The following ATP10B variants were observed in gnomAD, a reference collection of about 807,000 sequenced individuals.
ATP10B encodes the protein phospholipid-transporting ATPase VB.
ATP10B carries 122 observed loss-of-function variants against 141.2 expected under a neutral mutation model. The observed-to-expected ratio is 0.86, with a 90% CI of 0.75 to 1.00. The LOEUF is 1.00. Among genes scored for constraint, ATP10B ranks in the 50% least tolerant of loss-of-function variants. ATP10B has a pLI of 0.00. For missense variants in ATP10B, 1,876 were observed against 1,825.3 expected (o/e 1.03, Z -0.51); for synonymous variants, 685 against 692.0 (o/e 0.99, Z 0.16).
chr5:160,831,827 G>A (rs1205384049), intron 1 of ATP10B, among the ~76,000 whole-genome samples: 1 of 152,100 alleles, frequency 6.6e-6, no homozygotes, highest in Non-Finnish European at 1.5e-5. Flanking sequence ...AGGCAATAAA[G>A]AGTTCCTTGA....
At chr5:160,844,269 T>C (rs1311195761) in intron 1 of ATP10B, among the ~76,000 whole-genome samples, 2 of 152,162 alleles carry the variant, frequency 1.3e-5, no homozygotes, top group East Asian at 3.8e-4. Flanking sequence ...GGAACATTCT[T>C]CATAATTGCC....
chr5:160,716,190 TA>T (rs1313879663), intron 3 of ATP10B, among the ~76,000 whole-genome samples: 1 of 152,080 alleles, frequency 6.6e-6, no homozygotes, highest in Non-Finnish European at 1.5e-5. Context: ...AAGAGTAGAA[TA>T]AAAAAATTGT....
At chr5:160,916,863 TC>T in the ATP10B span, among the ~76,000 whole-genome samples, 1 of 152,184 alleles carries the variant, frequency 6.6e-6, no homozygotes, top group African/African-American at 2.4e-5. Context: ...CTTATCACAT[TC>T]CTTTGGACTC....
At chr5:160,729,558 A>G (rs1188962061) in intron 2 of ATP10B, among the ~76,000 whole-genome samples, 1 of 152,180 alleles carries the variant, frequency 6.6e-6, no homozygotes, top group Non-Finnish European at 1.5e-5. Flanking sequence ...AAATCAGAGT[A>G]GCGGTACAAG....
chr5:160,589,462 A>G lies in ATP10B; in HGVS notation c.3750+130T>C, dbSNP rs1581160896. On this transcript the variant is annotated intron_variant, in intron 24 of 25. Transcript: ENST00000327245. ...CCCCTTTCATCCCTGTACAGGTAGG[A>G]CATAGGGTAGGAGCTTAGTATGTAT... 2.5e-5 allele frequency: 18 copies of G among 721,238 alleles called. No homozygotes were observed. The East Asian group carries it at 4.7e-4, about 19-fold the overall frequency. The allele number at this position is 721,238 out of a possible 1,614,324, so 44.7% of individuals were successfully genotyped here. A position where few individuals can be genotyped will look rare whatever the true frequency, so the allele number is the denominator to read the frequency against.
intron 2 of ATP10B, among the ~76,000 whole-genome samples, chr5:160,725,511 T>C (rs1766279136): frequency 6.6e-6 from 1 of 152,120 alleles, no homozygotes; most frequent in Non-Finnish European, 1.5e-5. Context: ...AGTGGTGCGA[T>C]CTCGGCTCAC....
chr5:160,808,036 T>G (rs1323641353), intron 1 of ATP10B, among the ~76,000 whole-genome samples: 1 of 152,086 alleles, frequency 6.6e-6, no homozygotes, highest in Non-Finnish European at 1.5e-5. Flanking sequence ...ATAATCTCCA[T>G]TGTCAAAAAA....
chr5:160,731,094 G>A (rs1233033157), intron 2 of ATP10B, among the ~76,000 whole-genome samples: 1 of 152,132 alleles, frequency 6.6e-6, no homozygotes, highest in African/African-American at 2.4e-5. Flanking sequence ...CAGAATCTAT[G>A]GGGAAGATGT....
At chr5:160,645,578 G>C (rs1302067279) in intron 8 of ATP10B, among the ~76,000 whole-genome samples, 1 of 152,190 alleles carries the variant, frequency 6.6e-6, no homozygotes. Flanking sequence ...CTAGTCCAGG[G>C]AGCATTGCAG....
At chr5:160,809,590 ATTG>A (rs1274538456) in intron 1 of ATP10B, among the ~76,000 whole-genome samples, 2 of 152,168 alleles carry the variant, frequency 1.3e-5, no homozygotes, top group Non-Finnish European at 2.9e-5. Flanking sequence ...ATAATATATT[ATTG>A]TTAACAATAG....
At chr5:160,662,278 A>T (rs1313288903) in intron 7 of ATP10B, among the ~76,000 whole-genome samples, 1 of 152,244 alleles carries the variant, frequency 6.6e-6, no homozygotes, top group Middle Eastern at 3.2e-3. Context: ...CTTTCTTCAC[A>T]GAATTGGAAA....
chr5:160,789,468 T>C (rs990211837), intron 1 of ATP10B, among the ~76,000 whole-genome samples: 1 of 152,112 alleles, frequency 6.6e-6, no homozygotes, highest in Non-Finnish European at 1.5e-5. Flanking sequence ...TGTAACAAAA[T>C]AGTAAGTAGT....
chr5:160,617,019 A>G (rs990080097), intron 16 of ATP10B, among the ~76,000 whole-genome samples: 2 of 152,198 alleles, frequency 1.3e-5, no homozygotes, highest in African/African-American at 4.8e-5. Context: ...ATCTAAAAGT[A>G]GTGAGATTGG....
chr5:160,660,591 C>T (rs367937739), intron 7 of ATP10B, among the ~76,000 whole-genome samples: 2 of 152,172 alleles, frequency 1.3e-5, no homozygotes, highest in East Asian at 1.9e-4. Flanking sequence ...CAATACTTCA[C>T]GAAGGGAAAT....
At chr5:160,615,757 G>A in intron 17 of ATP10B, 81 bp downstream of exon 17, 1 of 1,542,066 alleles carries the variant, frequency 6.5e-7, no homozygotes, top group Non-Finnish European at 8.9e-7. Flanking sequence ...CATATTAGTA[G>A]TGTCAGAATC....
the ATP10B span, among the ~76,000 whole-genome samples, chr5:160,897,173 G>A: frequency 2.6e-5 from 4 of 152,142 alleles, no homozygotes; most frequent in African/African-American, 9.7e-5. Flanking sequence ...ATTCAACATA[G>A]TATTAGAAGT....
chr5:160,575,357 T>A (rs150235688), intron 24 of ATP10B, among the ~76,000 whole-genome samples: 2,370 of 152,316 alleles, frequency 0.016, 29 homozygotes, highest in Middle Eastern at 0.075. Flanking sequence ...CTGGGCTATT[T>A]CGTAGCCTTT....
intron 2 of ATP10B, among the ~76,000 whole-genome samples, chr5:160,772,471 C>A (rs1769978527): frequency 6.6e-6 from 1 of 152,144 alleles, no homozygotes. Flanking sequence ...CAGCAGTTCC[C>A]AACCTTTTGG....
chr5:160,848,719 C>A (rs1753591451), intron 1 of ATP10B, among the ~76,000 whole-genome samples: 1 of 152,090 alleles, frequency 6.6e-6, no homozygotes. Flanking sequence ...GGGAGATTAG[C>A]AATGGGTAGA....
Sources: allele counts gnomAD v4.1 joint callset (sites outside exome capture counted in the v4.1 genomes callset), GRCh38; gene constraint gnomAD v4.1.1; transcripts MANE v1.5; gene names NCBI Gene and HGNC (gene_info 2026-07-23, HGNC 2026-07-21).